The following MPPED2 variants were observed in gnomAD, a reference collection of about 807,000 sequenced individuals.
MPPED2 encodes metallophosphoesterase MPPED2.
A neutral mutation model predicts 33.0 loss-of-function variants in MPPED2; 5 were observed. That is an observed-to-expected ratio of 0.15 (90% CI 0.08 to 0.32). The LOEUF is 0.32. MPPED2 is among the 10% of genes least tolerant of loss of function. MPPED2 has a pLI of 1.00. For missense variants in MPPED2, 275 were observed against 372.1 expected (o/e 0.74, Z 2.15); for synonymous variants, 136 against 141.9 (o/e 0.96, Z 0.29).
At chr11:30,550,086 C>T (rs185664044) in intron 2 of MPPED2, among the ~76,000 whole-genome samples, 1 of 152,240 alleles carries the variant, frequency 6.6e-6, no homozygotes, top group Admixed American at 6.5e-5. Context: ...GGGCAATGCC[C>T]CCCAATGTCC....
At chr11:30,427,440 A>C (rs969691149) in intron 4 of MPPED2, among the ~76,000 whole-genome samples, 1 of 152,242 alleles carries the variant, frequency 6.6e-6, no homozygotes, top group African/African-American at 2.4e-5. Flanking sequence ...CTAGCAAGAA[A>C]GCCTGCTACC....
chr11:30,551,902 G>A (rs886445226), intron 2 of MPPED2, among the ~76,000 whole-genome samples: 3 of 151,904 alleles, frequency 2.0e-5, no homozygotes, highest in Non-Finnish European at 4.4e-5. Context: ...CACTGAGCAC[G>A]GTATAAATGA....
chr11:30,434,786 C>G (rs2133864582), intron 4 of MPPED2, among the ~76,000 whole-genome samples: 2 of 152,254 alleles, frequency 1.3e-5, no homozygotes, highest in South Asian at 4.1e-4. Context: ...AACAATTGTA[C>G]AGTTATCTGC....
chr11:30,417,430 G>A, intron 5 of MPPED2, 88 bp downstream of exon 5: 1 of 588,904 alleles, frequency 1.7e-6, no homozygotes, highest in Non-Finnish European at 2.9e-6. Flanking sequence ...TTTTTTTGGA[G>A]GAAAATGATT....
intron 6 of MPPED2, among the ~76,000 whole-genome samples, chr11:30,403,367 T>C (rs562303474): frequency 1.3e-5 from 2 of 152,266 alleles, no homozygotes; most frequent in African/African-American, 2.4e-5. Context: ...ATATTAGACA[T>C]AGCATCATTG....
chr11:30,493,318 C>T (rs976597523), intron 4 of MPPED2, among the ~76,000 whole-genome samples: 2 of 147,106 alleles, frequency 1.4e-5, no homozygotes, highest in Non-Finnish European at 3.0e-5. Flanking sequence ...TTGCAGTGAG[C>T]GGAGATCGCG....
intron 2 of MPPED2, among the ~76,000 whole-genome samples, chr11:30,563,885 T>A (rs922216676): frequency 6.6e-6 from 1 of 152,172 alleles, no homozygotes; most frequent in Non-Finnish European, 1.5e-5. Context: ...TAGGAGCGAA[T>A]GTACATGTCA....
At chr11:30,561,257 A>G (rs1956227476) in intron 2 of MPPED2, among the ~76,000 whole-genome samples, 1 of 152,166 alleles carries the variant, frequency 6.6e-6, no homozygotes, top group South Asian at 2.1e-4. Flanking sequence ...TGTGTATTTT[A>G]TGAACTTCTC....
chr11:30,473,103 G>A (rs1043352679), intron 4 of MPPED2, among the ~76,000 whole-genome samples: 2 of 152,072 alleles, frequency 1.3e-5, no homozygotes, highest in Admixed American at 6.5e-5. Flanking sequence ...AGTATCTTTA[G>A]CAGCTACATG....
At chr11:30,412,322 C>G (rs1224050991) in intron 6 of MPPED2, among the ~76,000 whole-genome samples, 1 of 150,844 alleles carries the variant, frequency 6.6e-6, no homozygotes, top group East Asian at 1.9e-4. Context: ...TTCCCTAGGT[C>G]TTTGGTATAT....
intron 2 of MPPED2, among the ~76,000 whole-genome samples, chr11:30,553,113 G>T (rs1376910230): frequency 6.6e-6 from 1 of 152,126 alleles, no homozygotes; most frequent in East Asian, 1.9e-4. Context: ...GTGCAGATGT[G>T]AATTCCTTCT....
intron 2 of MPPED2, among the ~76,000 whole-genome samples, chr11:30,576,779 A>G (rs1444683566): frequency 6.6e-6 from 1 of 151,910 alleles, no homozygotes; most frequent in East Asian, 2.0e-4. Context: ...TATGCTCAAG[A>G]GTCTGGGTAA....
chr11:30,554,266 TCA>T (rs1955860838), intron 2 of MPPED2, among the ~76,000 whole-genome samples: 2 of 152,178 alleles, frequency 1.3e-5, no homozygotes, highest in African/African-American at 4.8e-5. Context: ...TTCACACTGC[TCA>T]GAGACAAGTC....
intron 6 of MPPED2, among the ~76,000 whole-genome samples, chr11:30,396,063 G>C (rs1947836556): frequency 6.6e-6 from 1 of 152,132 alleles, no homozygotes; most frequent in Non-Finnish European, 1.5e-5. Context: ...ACGCATTCCA[G>C]CAAGGCTCTG....
chr11:30,527,176 C>G (rs1278105672), intron 3 of MPPED2, among the ~76,000 whole-genome samples: 1 of 151,994 alleles, frequency 6.6e-6, no homozygotes, highest in Non-Finnish European at 1.5e-5. Flanking sequence ...GTGATCCGCC[C>G]GTCTCGGCCT....
chr11:30,501,103 T>TCC (rs1952539514), intron 3 of MPPED2, among the ~76,000 whole-genome samples: 1 of 152,176 alleles, frequency 6.6e-6, no homozygotes, highest in Non-Finnish European at 1.5e-5. Context: ...TTAAACAACA[T>TCC]CCTGCATATA....
rs566458934 is a variant in MPPED2, at chr11:30,481,175, C to T, written c.536+14121G>A. 8.5e-5 allele frequency among the ~76,000 whole-genome samples: 13 copies of T among 152,170 alleles called. 1 individual carries two copies. In the South Asian group the frequency reaches 2.7e-3, roughly 32 times the overall value. On this transcript the variant is annotated intron_variant, in intron 4 of 6. Transcript: ENST00000358117. ...AAATTTTATTAATAGGCGACCTTTC[C>T]TTGACACCATGCTTCTAGACTATAA...
intron 5 of MPPED2, among the ~76,000 whole-genome samples, chr11:30,416,212 G>A (rs1387052243): frequency 6.6e-6 from 1 of 152,252 alleles, no homozygotes; most frequent in Non-Finnish European, 1.5e-5. Context: ...AGGAACTGCT[G>A]ATCCTGTGCA....
rs768924251 is a variant in MPPED2, at chr11:30,494,757, A to AAAAAG, written c.536+538_536+539insCTTTT. Among the ~76,000 whole-genome samples the AAAAAG allele has an allele frequency of 1.1e-3, 137 of 120,808 alleles. 3 individuals are homozygous for AAAAAG. Among genetic ancestry groups the AAAAAG allele is most frequent in the African/African-American group, 4.0e-3 (84 of 20,756 alleles). The allele number at this position is 120,808 out of a possible 152,430, so 79.3% of individuals were successfully genotyped here. On this transcript the variant is annotated intron_variant, in intron 4 of 6. Coordinates refer to ENST00000358117, the MANE Select transcript of MPPED2 (RefSeq NM_001584.3). ...CACCTCAAAAAAAAAAAAAAAAAAA[A>AAAAAG]AAAGAAAGAAAGAAAGAAAGAAAAG...
Sources: gnomAD v4.1 joint callset for allele counts (sites outside exome capture counted in the v4.1 genomes callset) on GRCh38, gnomAD v4.1.1 for gene constraint, MANE v1.5 for transcripts, NCBI Gene and HGNC (gene_info 2026-07-23, HGNC 2026-07-21) for gene names.